Variants in NRXN1 observed in about 807,000 individuals in gnomAD.
The protein encoded by NRXN1 is neurexin-1.
Under a neutral mutation model 150.9 loss-of-function variants are expected in NRXN1, and 39 were observed. That is an observed-to-expected ratio of 0.26 (90% confidence interval 0.20 to 0.34). NRXN1 has a LOEUF of 0.34. Among genes scored for constraint, NRXN1 ranks in the 10% least tolerant of loss-of-function variants. The probability of loss-of-function intolerance (pLI) is 1.00; values close to 1 mark genes in which losing one functional copy is unlikely to be tolerated. For missense variants in NRXN1, 1,815 were observed against 1,949.9 expected (o/e 0.93, Z 1.30); for synonymous variants, 924 against 757.0 (o/e 1.22, Z -3.62).
At chr2:50,858,858 C>G (rs1675662203) in intron 5 of NRXN1, among the ~76,000 whole-genome samples, 1 of 151,902 alleles carries the variant, frequency 6.6e-6, no homozygotes, top group Non-Finnish European at 1.5e-5. Flanking sequence ...AATTATTTGC[C>G]TAGGGGCCCA....
intron 8 of NRXN1, among the ~76,000 whole-genome samples, chr2:50,600,710 G>T (rs978176488): frequency 6.6e-6 from 1 of 152,160 alleles, no homozygotes; most frequent in East Asian, 1.9e-4. Flanking sequence ...ACTTTACTTA[G>T]AAGTTTCTAC....
At chr2:50,789,640 C>G (rs1419482578) in intron 5 of NRXN1, among the ~76,000 whole-genome samples, 3 of 152,024 alleles carry the variant, frequency 2.0e-5, no homozygotes, top group Non-Finnish European at 2.9e-5. Flanking sequence ...TACGGAAAGA[C>G]GACTCAGATA....
At chr2:50,003,808 G>A (rs931262498) in intron 21 of NRXN1, among the ~76,000 whole-genome samples, 1 of 152,096 alleles carries the variant, frequency 6.6e-6, no homozygotes, top group Non-Finnish European at 1.5e-5. Flanking sequence ...GAAATGATGA[G>A]CAATTCCATA....
chr2:50,967,855 T>C (rs1041603072), intron 2 of NRXN1, among the ~76,000 whole-genome samples: 17 of 152,112 alleles, frequency 1.1e-4, no homozygotes, highest in African/African-American at 4.1e-4. Flanking sequence ...TTAGTTTTTC[T>C]GCTTATTTCA....
rs1670916214 is a variant in NRXN1, at chr2:51,028,195, G to C, written c.79C>G (p.Leu27Val). ...CCCGGAAACTCCAGCCCGCTGCCCA[G>C]CTCCGCCCAGCAGCCCAGGAGCAGC... The part of the protein sequence containing the change: ...SLLLLGCWAE[L>V]GSGLEFPGAE... The change falls in exon 2 of 23, where the codon CTG (leucine) becomes GTG (valine). Residue 27 changes from leucine (L) to valine (V), a missense_variant. By Grantham distance (32) the Leu-to-Val change is conservative. Transcript: ENST00000401669. The C allele has an allele frequency of 2.0e-6, 3 of 1,495,522 alleles. No individual in the cohort carries two copies. The highest frequency in any genetic ancestry group is 2.2e-5 in the Admixed American group (1 of 45,918). 92.6% of individuals were successfully genotyped at this position (1,495,522 alleles called of 1,614,324 possible).
intron 2 of NRXN1, among the ~76,000 whole-genome samples, chr2:50,935,003 G>A (rs755228132): frequency 1.5e-4 from 23 of 151,992 alleles, no homozygotes; most frequent in Non-Finnish European, 2.5e-4. Context: ...ATCTAATATC[G>A]TCTTACTCTT....
rs576994908 is a variant in NRXN1, at chr2:50,344,749, G to C, written c.3365-107779C>G. Among the ~76,000 whole-genome samples, 3 of 152,284 alleles carry C rather than the reference G, an allele frequency of 2.0e-5. No homozygotes were observed. The South Asian group carries it at 6.2e-4, about 32-fold the overall frequency. The stretch of plus-strand genomic sequence containing the variant: ...CCCCACTCTGCGGCAGGGCCCCTTG[G>C]TCTTCTCCTCTCCCACGTCCCCAGC... On this transcript the variant is annotated intron_variant, in intron 17 of 22. Coordinates refer to ENST00000401669, the MANE Select transcript of NRXN1 (RefSeq NM_001330078.2).
chr2:50,958,926 T>C (rs1387820247), intron 2 of NRXN1, among the ~76,000 whole-genome samples: 1 of 152,138 alleles, frequency 6.6e-6, no homozygotes, highest in Non-Finnish European at 1.5e-5. Context: ...TAAACTAACA[T>C]TGCATTCTAC....
rs148866568 is a variant in NRXN1, at chr2:50,495,857, G to T, written c.3070+48C>A. The T allele has an allele frequency of 9.5e-5, 141 of 1,483,704 alleles. No homozygotes were observed. In the East Asian group the frequency reaches 3.2e-3, roughly 34 times the overall value. The allele number at this position is 1,483,704 out of a possible 1,614,324, so 91.9% of individuals were successfully genotyped here. ...AAGCAAAGGATTTTCCATGTGAAGG[G>T]AGACCGTGTGGTGCAAGGCTCGTTG... On this transcript the variant is annotated intron_variant, in intron 15 of 22. Coordinates refer to ENST00000401669, the MANE Select transcript of NRXN1 (RefSeq NM_001330078.2).
intron 18 of NRXN1, among the ~76,000 whole-genome samples, chr2:50,148,809 G>A (rs931192288): frequency 6.6e-6 from 1 of 151,662 alleles, no homozygotes; most frequent in African/African-American, 2.4e-5. Flanking sequence ...AGCCTGCCTT[G>A]CAATTGTTGT....
intron 17 of NRXN1, among the ~76,000 whole-genome samples, chr2:50,448,878 A>G (rs2086708159): frequency 6.6e-6 from 1 of 152,174 alleles, no homozygotes; most frequent in African/African-American, 2.4e-5. Flanking sequence ...ACAAAATAAA[A>G]TAAAATAAAT....
chr2:50,879,604 G>C (rs1166848274), intron 5 of NRXN1, among the ~76,000 whole-genome samples: 1 of 151,888 alleles, frequency 6.6e-6, no homozygotes, highest in East Asian at 2.0e-4. Flanking sequence ...GAAAAGAATA[G>C]GGGAGGATAG....
At chr2:50,335,035 A>G (rs2077090535) in intron 17 of NRXN1, among the ~76,000 whole-genome samples, 1 of 152,160 alleles carries the variant, frequency 6.6e-6, no homozygotes, top group Non-Finnish European at 1.5e-5. Flanking sequence ...CAAAGTATAT[A>G]TATCATCCCA....
At chr2:50,889,189 T>G (rs953987214) in intron 5 of NRXN1, among the ~76,000 whole-genome samples, 5 of 151,722 alleles carry the variant, frequency 3.3e-5, no homozygotes, top group Admixed American at 2.0e-4. Context: ...CTGCTCTTCA[T>G]GTATTTAAAA....
chr2:50,639,222 C>CTTTCTTTCT (rs1219477784), intron 5 of NRXN1, among the ~76,000 whole-genome samples: 184 of 137,364 alleles, frequency 1.3e-3, no homozygotes, highest in African/African-American at 4.4e-3. Flanking sequence ...TTCTTTCTTT[C>CTTTCTTTCT]TTTTTTTTTT....
intron 18 of NRXN1, among the ~76,000 whole-genome samples, chr2:50,107,232 A>G (rs941902986): frequency 7.5e-5 from 11 of 146,994 alleles, no homozygotes; most frequent in African/African-American, 2.8e-4. Context: ...ATTCTTTGGA[A>G]GGACATGCAT....
intron 5 of NRXN1, 24 bp from the exon 6 acceptor site, chr2:50,623,639 A>G: frequency 6.5e-7 from 1 of 1,543,754 alleles, no homozygotes; most frequent in Non-Finnish European, 8.9e-7. Context: ...GATGATACAT[A>G]CATAAGTAAA....
chr2:50,164,454 A>G (rs2059552755), intron 18 of NRXN1, among the ~76,000 whole-genome samples: 1 of 152,212 alleles, frequency 6.6e-6, no homozygotes, highest in South Asian at 2.1e-4. Context: ...TTTTCATTAA[A>G]AAGTTATCTA....
chr2:50,460,488 T>C (rs2088061048), intron 17 of NRXN1, among the ~76,000 whole-genome samples: 1 of 152,046 alleles, frequency 6.6e-6, no homozygotes. Context: ...ACCTAAATTT[T>C]CTCATATAGA....
Sources: gnomAD v4.1 joint callset for allele counts (sites outside exome capture counted in the v4.1 genomes callset) on GRCh38, gnomAD v4.1.1 for gene constraint, MANE v1.5 for transcripts, NCBI Gene and HGNC (gene_info 2026-07-23, HGNC 2026-07-21) for gene names.